Variants in ARID5B observed in about 807,000 individuals in gnomAD.
The protein encoded by ARID5B is AT-rich interaction domain 5B, also known as AT-rich interactive domain-containing protein 5B.
A neutral mutation model predicts 97.2 loss-of-function variants in ARID5B; 13 were observed. The observed-to-expected ratio is 0.13, with a 90% confidence interval of 0.09 to 0.21. The LOEUF is 0.21. Among genes scored for constraint, ARID5B ranks in the 10% least tolerant of loss-of-function variants. The pLI is 1.00. For missense variants in ARID5B, 1,210 were observed against 1,465.3 expected, an observed-to-expected ratio of 0.83 and a Z score of 2.84; for synonymous variants, 556 against 570.3, an observed-to-expected ratio of 0.97 and a Z score of 0.36.
intron 7 of ARID5B, among the ~76,000 whole-genome samples, chr10:62,061,392 T>C (rs1372812131): frequency 1.3e-5 from 2 of 152,120 alleles, no homozygotes; most frequent in Non-Finnish European, 2.9e-5. Flanking sequence ...TAGAATAAGG[T>C]TGGGCATGGA....
At chr10:62,057,365 T>C in intron 6 of ARID5B, 47 bp downstream of exon 6, 1 of 1,548,516 alleles carries the variant, frequency 6.5e-7, no homozygotes, top group Non-Finnish European at 8.8e-7. Flanking sequence ...CTGCTCAGAT[T>C]CTTTGAATTG....
intron 4 of ARID5B, among the ~76,000 whole-genome samples, chr10:62,050,613 C>T (rs1474274046): frequency 6.6e-6 from 1 of 152,192 alleles, no homozygotes; most frequent in Non-Finnish European, 1.5e-5. Flanking sequence ...TTTTTCTTAT[C>T]ATGATCCTTT....
intron 8 of ARID5B, among the ~76,000 whole-genome samples, chr10:62,085,403 G>A (rs1486040086): frequency 6.6e-6 from 1 of 152,200 alleles, no homozygotes; most frequent in Non-Finnish European, 1.5e-5. Flanking sequence ...ACTTAGCCAG[G>A]TGCCATGGGG....
At chr10:61,970,234 G>A (rs1838606633) in intron 3 of ARID5B, among the ~76,000 whole-genome samples, 1 of 152,216 alleles carries the variant, frequency 6.6e-6, no homozygotes, top group South Asian at 2.1e-4. Flanking sequence ...GAACAAGAAT[G>A]CGAACAGAAA....
chr10:62,050,645 C>T (rs1157349086), intron 4 of ARID5B, among the ~76,000 whole-genome samples: 1 of 152,148 alleles, frequency 6.6e-6, no homozygotes, highest in African/African-American at 2.4e-5. Flanking sequence ...CTTCGTGTTA[C>T]TTCTATTAAT....
chr10:62,092,573 C>A lies in ARID5B; in HGVS notation c.3110C>A (p.Ser1037Tyr). Residue 1037 changes from serine (S) to tyrosine (Y), a missense_variant, in exon 10 of 10, where the codon TCC becomes TAC. Transcript: ENST00000279873. ...CGGGCAGTGTCTCCCTTAGACCCAT[C>A]CAAGGAGGTCTCTGGGAAGGAGAAG... is the stretch of plus-strand genomic sequence containing the variant. ...KARAVSPLDP[S>Y]KEVSGKEKAS... The A allele has an allele frequency of 1.2e-6, 2 of 1,614,162 alleles. No individual in the cohort carries two copies. The highest frequency in any genetic ancestry group is 2.2e-5 in the South Asian group (2 of 91,080).
chr10:61,980,016 C>T (rs951818467), intron 3 of ARID5B, among the ~76,000 whole-genome samples: 52 of 152,204 alleles, frequency 3.4e-4, no homozygotes, highest in African/African-American at 1.1e-3. Flanking sequence ...TCACTTGAAC[C>T]CGGGAGGCAG....
At chr10:61,978,867 G>A (rs1838737648) in intron 3 of ARID5B, among the ~76,000 whole-genome samples, 1 of 152,146 alleles carries the variant, frequency 6.6e-6, no homozygotes, top group South Asian at 2.1e-4. Flanking sequence ...TCTCCTGCCT[G>A]ATTGCCCTGG....
At chr10:62,007,237 A>G (rs1341367749) in intron 4 of ARID5B, among the ~76,000 whole-genome samples, 2 of 152,152 alleles carry the variant, frequency 1.3e-5, no homozygotes, top group Admixed American at 1.3e-4. Context: ...CCCCTTTATT[A>G]TGTCCTGCCA....
chr10:61,952,222 G>A (rs570072040), intron 3 of ARID5B, among the ~76,000 whole-genome samples: 1 of 152,250 alleles, frequency 6.6e-6, no homozygotes, highest in East Asian at 1.9e-4. Context: ...TGTTTTAAGT[G>A]GCTCATGCCT....
chr10:61,908,965 T>C (rs984948428), intron 2 of ARID5B, among the ~76,000 whole-genome samples: 2 of 152,186 alleles, frequency 1.3e-5, no homozygotes, highest in African/African-American at 4.8e-5. Context: ...TATTTATTTG[T>C]AGCATTTCTT....
intron 2 of ARID5B, among the ~76,000 whole-genome samples, chr10:61,936,576 C>T (rs1009007618): frequency 1.3e-5 from 2 of 152,198 alleles, no homozygotes; most frequent in African/African-American, 4.8e-5. Context: ...GAGATCGTGC[C>T]ACTGCACTTC....
intron 8 of ARID5B, among the ~76,000 whole-genome samples, chr10:62,075,949 A>G (rs185699991): frequency 5.9e-4 from 90 of 152,312 alleles, no homozygotes; most frequent in East Asian, 3.9e-4. Context: ...TGTTTTTTGG[A>G]CATCTGCCAT....
At chr10:61,923,288 G>T (rs1051825006) in intron 2 of ARID5B, among the ~76,000 whole-genome samples, 1 of 151,978 alleles carries the variant, frequency 6.6e-6, no homozygotes, top group African/African-American at 2.4e-5. Context: ...TCTTTCTCAG[G>T]GTCTGAGCAG....
intron 3 of ARID5B, among the ~76,000 whole-genome samples, chr10:61,959,107 C>T (rs1838434250): frequency 6.6e-6 from 1 of 152,180 alleles, no homozygotes. Flanking sequence ...AGGGTACAAC[C>T]TACAAGCTAG....
chr10:62,063,621 G>A (rs1395814674), intron 7 of ARID5B, among the ~76,000 whole-genome samples: 1 of 152,158 alleles, frequency 6.6e-6, no homozygotes, highest in Non-Finnish European at 1.5e-5. Context: ...AATGTATAGA[G>A]TGTTTCTTCA....
intron 4 of ARID5B, among the ~76,000 whole-genome samples, chr10:62,042,871 C>T (rs1470132280): frequency 7.5e-5 from 11 of 147,310 alleles, no homozygotes; most frequent in African/African-American, 2.0e-4. Flanking sequence ...GCCAAGATCG[C>T]GTCACTGCAT....
At chr10:62,077,207 G>A (rs533999677) in intron 8 of ARID5B, among the ~76,000 whole-genome samples, 1 of 152,264 alleles carries the variant, frequency 6.6e-6, no homozygotes, top group East Asian at 1.9e-4. Flanking sequence ...ATACACAAGA[G>A]CCGCATAGTC....
intron 4 of ARID5B, among the ~76,000 whole-genome samples, chr10:62,028,639 G>A (rs1174917094): frequency 6.6e-6 from 1 of 152,128 alleles, no homozygotes. Flanking sequence ...TTATATATAT[G>A]AGGATTAAAT....
Sources: allele counts gnomAD v4.1 joint callset (sites outside exome capture counted in the v4.1 genomes callset), GRCh38; gene constraint gnomAD v4.1.1; transcripts MANE v1.5; gene names NCBI Gene and HGNC (gene_info 2026-07-23, HGNC 2026-07-21).